Variants in MYO3B observed in about 807,000 individuals in gnomAD.
MYO3B encodes the protein myosin-IIIb.
A neutral mutation model predicts 174.6 loss-of-function variants in MYO3B; 156 were observed. The ratio of observed to expected loss-of-function variants is 0.89; its 90% CI spans 0.78 to 1.02. The LOEUF is 1.02. Ranked by LOEUF, MYO3B falls within the 50% of genes least tolerant of loss-of-function variation. The probability of loss-of-function intolerance (pLI) is 0.00; values close to 1 mark genes in which losing one functional copy is unlikely to be tolerated. For synonymous variants in MYO3B, 563 were observed against 569.1 expected, an observed-to-expected ratio of 0.99 and a Z score of 0.15; for missense variants, 1,632 against 1,639.4, an observed-to-expected ratio of 1.00 and a Z score of 0.08.
intron 25 of MYO3B, among the ~76,000 whole-genome samples, chr2:170,491,985 C>A (rs187228978): frequency 2.7e-4 from 40 of 150,538 alleles, no homozygotes; most frequent in Non-Finnish European, 4.6e-4. Context: ...ACCTGGGAGG[C>A]AGAGGCTGCA....
At chr2:170,303,735 T>C (rs1293551027) in intron 7 of MYO3B, among the ~76,000 whole-genome samples, 1 of 152,186 alleles carries the variant, frequency 6.6e-6, no homozygotes, top group Non-Finnish European at 1.5e-5. Context: ...GTTCATTTTA[T>C]ATTTGCCCAG....
At chr2:170,307,772 C>A in intron 7 of MYO3B, among the ~76,000 whole-genome samples, 1 of 152,204 alleles carries the variant, frequency 6.6e-6, no homozygotes, top group East Asian at 1.9e-4. Context: ...AGCTCAAGGG[C>A]AGTCAGGCAG....
chr2:170,391,778 G>T (rs1168328636), intron 15 of MYO3B, among the ~76,000 whole-genome samples, 160 bp downstream of exon 15: 1 of 152,102 alleles, frequency 6.6e-6, no homozygotes, highest in Non-Finnish European at 1.5e-5. Context: ...CATTTTCATT[G>T]TCTAGAAAGT....
Position 170,519,521 on chromosome 2 carries a change from G to A in MYO3B, c.3556G>A (p.Ala1186Thr), listed in dbSNP as rs376775774. The change falls in exon 30 of 35, where the codon GCT (alanine) becomes ACT (threonine). Residue 1186 changes from alanine to threonine, a missense_variant. Physicochemically the swap from Ala to Thr is moderately conservative, Grantham distance 58. Transcript: ENST00000408978. ...TACACAGACTTCAAGCAACTCTCCT[G>A]CTGTCACAGAGAAAAATGGGTGAGC... ...GRTQTSSNSP[A>T]VTEKNGHSQA... The A allele has an allele frequency of 7.4e-6, 12 of 1,613,796 alleles. No individual in the cohort carries two copies. The highest frequency in any genetic ancestry group is 1.7e-5 in the Admixed American group (1 of 59,986).
rs2094353359 is a variant in MYO3B at position 170,383,789 on chromosome 2, G to A, written c.1265G>A (p.Cys422Tyr). Residue 422 changes from cysteine (C) to tyrosine (Y), a missense_variant, in exon 12 of 35, where the codon TGC (cysteine) becomes TAC (tyrosine). Physicochemically the swap from Cys to Tyr is radical, Grantham distance 194. Coordinates refer to ENST00000408978, the MANE Select transcript of MYO3B (RefSeq NM_138995.5). ...IFASADAAYQCMVTLSKDQCI... is the reference protein window; with the variant it reads ...IFASADAAYQYMVTLSKDQCI... ...GCATCAGCAGATGCTGCTTACCAGT[G>A]CATGGTTACTCTCAGCAAAGACCAG... 5 of 1,613,598 alleles carry A rather than the reference G, an allele frequency of 3.1e-6. No individual in the cohort carries two copies. In the East Asian group the frequency reaches 1.1e-4, roughly 36 times the overall value.
rs754241554 is a variant in MYO3B at position 170,542,975 on chromosome 2, A to G, written c.3636+9A>G. 9.3e-6 allele frequency: 15 copies of G among 1,605,274 alleles called. No homozygotes were observed. The highest frequency in any genetic ancestry group is 5.1e-6 in the Non-Finnish European group (6 of 1,174,368). On this transcript the variant is annotated intron_variant, in intron 31 of 34. Transcript: ENST00000408978. Reference sequence around the variant, plus strand: ...CAGGACATGCAAACAAGGTAGCTGGATATCTTGATTCCAAAGTAAATGTGT... The same window carrying G: ...CAGGACATGCAAACAAGGTAGCTGGGTATCTTGATTCCAAAGTAAATGTGT...
chr2:170,287,297 C>T (rs1334666391), intron 7 of MYO3B, among the ~76,000 whole-genome samples: 1 of 152,082 alleles, frequency 6.6e-6, no homozygotes, highest in Non-Finnish European at 1.5e-5. Context: ...TTTTGAGGAA[C>T]CTCCATACTG....
chr2:170,582,081 G>C (rs945132637), intron 32 of MYO3B, among the ~76,000 whole-genome samples: 1 of 152,102 alleles, frequency 6.6e-6, no homozygotes, highest in Non-Finnish European at 1.5e-5. Context: ...CCACTTTTGG[G>C]GAAGAAAAAA....
At chr2:170,351,287 T>G (rs2094066444) in intron 8 of MYO3B, among the ~76,000 whole-genome samples, 1 of 152,100 alleles carries the variant, frequency 6.6e-6, no homozygotes, top group African/African-American at 2.4e-5. Context: ...AGGTGGTTCA[T>G]TTAGGCTGAT....
intron 25 of MYO3B, among the ~76,000 whole-genome samples, chr2:170,486,400 G>A (rs1296562351): frequency 6.7e-6 from 1 of 149,428 alleles, no homozygotes; most frequent in Non-Finnish European, 1.5e-5. Context: ...CACCTCCCAG[G>A]TTCAAGCAAT....
rs987492771 is a variant in MYO3B at position 170,530,325 on chromosome 2, A to G, written c.3575+10785A>G. Among the ~76,000 whole-genome samples the G allele has an allele frequency of 2.0e-5, 3 of 152,214 alleles. 1 individual carries two copies. The highest frequency in any genetic ancestry group is 7.2e-5 in the African/African-American group (3 of 41,460). ...GGCCTAAGATCAACACAGTCTGGAGACGCAGGTGGGAGTGGCCTTCCTCGC... is the reference window on the plus strand; with the variant it reads ...GGCCTAAGATCAACACAGTCTGGAGGCGCAGGTGGGAGTGGCCTTCCTCGC... On this transcript the variant is annotated intron_variant, in intron 30 of 34. Coordinates refer to ENST00000408978, the MANE Select transcript of MYO3B (RefSeq NM_138995.5).
intron 7 of MYO3B, among the ~76,000 whole-genome samples, chr2:170,316,796 A>T (rs2093778906): frequency 6.6e-6 from 1 of 152,162 alleles, no homozygotes; most frequent in Non-Finnish European, 1.5e-5. Flanking sequence ...TCTGAGTCCC[A>T]ATTGTTGTAA....
intron 15 of MYO3B, 129 bp from the exon 16 acceptor site, chr2:170,392,252 C>A (rs2094417264): frequency 3.6e-6 from 2 of 552,816 alleles, no homozygotes; most frequent in South Asian, 2.8e-5. Context: ...ATGATCACAC[C>A]ACTGCACTTC....
intron 22 of MYO3B, among the ~76,000 whole-genome samples, chr2:170,409,381 T>C (rs1466019827): frequency 6.6e-6 from 1 of 152,174 alleles, no homozygotes; most frequent in Non-Finnish European, 1.5e-5. Context: ...TGTTTCTGAA[T>C]CTTGTTTTGA....
chr2:170,621,763 C>T (rs563990499), intron 32 of MYO3B, among the ~76,000 whole-genome samples: 5 of 152,240 alleles, frequency 3.3e-5, no homozygotes, highest in African/African-American at 7.2e-5. Flanking sequence ...CCACCCGCCT[C>T]GGCCTCCCAA....
chr2:170,457,843 C>A (rs76929570), intron 23 of MYO3B, among the ~76,000 whole-genome samples: 1 of 152,142 alleles, frequency 6.6e-6, no homozygotes, highest in Non-Finnish European at 1.5e-5. Context: ...CAACCTCTGC[C>A]TCCCGGGTTC....
rs188885272 is a variant in MYO3B at position 170,233,220 on chromosome 2, G to A, written c.604-2771G>A. ...TTAGAGCCCATATCCTTTATTGGAC[G>A]TGTTAGTACACATTGTCTTAGGGCA... On this transcript the variant is annotated intron_variant, in intron 6 of 34. Coordinates refer to ENST00000408978, the MANE Select transcript of MYO3B (RefSeq NM_138995.5). 3.5e-4 allele frequency among the ~76,000 whole-genome samples: 54 copies of A among 152,258 alleles called. No individual in the cohort carries two copies. In the East Asian group the frequency reaches 9.1e-3, roughly 26 times the overall value.
chr2:170,473,139 CTTTT>C (rs66837903), intron 25 of MYO3B, among the ~76,000 whole-genome samples: 1 of 96,440 alleles, frequency 1.0e-5, no homozygotes, highest in Non-Finnish European at 2.1e-5. Context: ...TTTTTCTTTT[CTTTT>C]TTTTTTTTTT....
intron 30 of MYO3B, among the ~76,000 whole-genome samples, chr2:170,527,473 G>A (rs1037824974): frequency 3.7e-4 from 57 of 152,184 alleles, no homozygotes; most frequent in Admixed American, 2.0e-3. Context: ...ACTTCTGATA[G>A]CTCTTAAAAA....
Sources: gnomAD v4.1 joint callset for allele counts (sites outside exome capture counted in the v4.1 genomes callset) on GRCh38, gnomAD v4.1.1 for gene constraint, MANE v1.5 for transcripts, NCBI Gene and HGNC (gene_info 2026-07-23, HGNC 2026-07-21) for gene names.